Variants in CSNK2A2IP observed in about 807,000 individuals in gnomAD.
CSNK2A2IP encodes casein kinase 2 subunit alpha' interacting protein, also known as casein kinase II subunit alpha'-interacting protein.
At chr3:88,429,919 ATTT>A in the CSNK2A2IP span, among the ~76,000 whole-genome samples, 5 of 142,102 alleles carry the variant, frequency 3.5e-5, no homozygotes, top group East Asian at 4.2e-4. Flanking sequence ...CGCCAGGCTA[ATTT>A]TTTTTTTTTT....
chr3:88,423,032 T>G, the CSNK2A2IP span, among the ~76,000 whole-genome samples: 1 of 152,202 alleles, frequency 6.6e-6, no homozygotes, highest in African/African-American at 2.4e-5. Context: ...TGAAGAAGCC[T>G]GGTGAGAATC....
the CSNK2A2IP span, among the ~76,000 whole-genome samples, chr3:88,438,353 C>T: frequency 4.6e-5 from 7 of 152,218 alleles, no homozygotes; most frequent in African/African-American, 1.7e-4. Flanking sequence ...TTTTCTGACC[C>T]TTCTTTCTCC....
the CSNK2A2IP span, among the ~76,000 whole-genome samples, chr3:88,456,520 G>A: frequency 1.4e-4 from 21 of 151,892 alleles, no homozygotes; most frequent in Non-Finnish European, 2.7e-4. Flanking sequence ...GTATAAAAAT[G>A]CAGCTGATTT....
the CSNK2A2IP span, among the ~76,000 whole-genome samples, chr3:88,383,496 G>T: frequency 6.6e-6 from 1 of 152,020 alleles, no homozygotes; most frequent in African/African-American, 2.4e-5. Flanking sequence ...ATTATTTTTA[G>T]CTCTCTTTCC....
the CSNK2A2IP span, among the ~76,000 whole-genome samples, chr3:88,446,482 G>A: frequency 2.2e-4 from 34 of 152,238 alleles, no homozygotes; most frequent in African/African-American, 7.9e-4. Flanking sequence ...AACATTCTTT[G>A]TTTCCAACTG....
At chr3:88,439,552 G>A in the CSNK2A2IP span, among the ~76,000 whole-genome samples, 13 of 151,704 alleles carry the variant, frequency 8.6e-5, no homozygotes, top group South Asian at 4.2e-4. Context: ...GACCATCCTG[G>A]CCAAAATGGT....
chr3:88,340,580 TC>T, the CSNK2A2IP span, among the ~76,000 whole-genome samples: 29 of 152,108 alleles, frequency 1.9e-4, no homozygotes, highest in Admixed American at 1.8e-3. Context: ...AGCTATTTGT[TC>T]AATCATGACC....
At chr3:88,344,639 A>G in the CSNK2A2IP span, among the ~76,000 whole-genome samples, 3 of 152,002 alleles carry the variant, frequency 2.0e-5, no homozygotes, top group African/African-American at 4.8e-5. Context: ...TAAAACTGAC[A>G]GTCATTTAAA....
chr3:88,403,928 G>C, the CSNK2A2IP span, among the ~76,000 whole-genome samples: 1 of 152,026 alleles, frequency 6.6e-6, no homozygotes, highest in East Asian at 1.9e-4. Flanking sequence ...TGACACAAGG[G>C]CTGAGACATA....
the CSNK2A2IP span, among the ~76,000 whole-genome samples, chr3:88,361,611 A>T: frequency 2.0e-5 from 3 of 152,048 alleles, no homozygotes; most frequent in Non-Finnish European, 4.4e-5. Context: ...ATTTGAGTCA[A>T]ATCTGCTTGG....
chr3:88,466,495 A>C, the CSNK2A2IP span: 4 of 1,231,936 alleles, frequency 3.2e-6, no homozygotes, highest in Non-Finnish European at 4.0e-6. Flanking sequence ...CAAACACTGC[A>C]CCAGGAACAC....
the CSNK2A2IP span, among the ~76,000 whole-genome samples, chr3:88,379,644 A>G: frequency 3.3e-5 from 5 of 152,076 alleles, no homozygotes; most frequent in Non-Finnish European, 7.4e-5. Flanking sequence ...AATACAAAAG[A>G]TAATGTACAA....
chr3:88,466,815 A>T, the CSNK2A2IP span: 1 of 896,162 alleles, frequency 1.1e-6, no homozygotes, highest in Non-Finnish European at 1.5e-6. Context: ...TAAAATCTCC[A>T]TGTAACCATC....
the CSNK2A2IP span, among the ~76,000 whole-genome samples, chr3:88,340,539 CT>C: frequency 6.6e-6 from 1 of 151,920 alleles, no homozygotes; most frequent in Non-Finnish European, 1.5e-5. Context: ...TCATTGTGTT[CT>C]TCTAAGATAT....
chr3:88,445,615 T>C, the CSNK2A2IP span, among the ~76,000 whole-genome samples: 9 of 151,768 alleles, frequency 5.9e-5, no homozygotes, highest in East Asian at 1.9e-4. Flanking sequence ...CTGGAGTGCA[T>C]TGGGGTGATG....
the CSNK2A2IP span, among the ~76,000 whole-genome samples, chr3:88,456,451 T>C: frequency 7.3e-4 from 111 of 152,210 alleles, no homozygotes; most frequent in African/African-American, 2.5e-3. Flanking sequence ...TTCTGTTTCA[T>C]GCTATTGTAA....
chr3:88,389,368 A>C, the CSNK2A2IP span, among the ~76,000 whole-genome samples: 1 of 152,172 alleles, frequency 6.6e-6, no homozygotes, highest in Admixed American at 6.5e-5. Flanking sequence ...CTAAGGCTGG[A>C]CCTTGTCTGG....
chr3:88,362,765 G>A, the CSNK2A2IP span, among the ~76,000 whole-genome samples: 23 of 152,272 alleles, frequency 1.5e-4, no homozygotes, highest in African/African-American at 5.3e-4. Flanking sequence ...AGGAGCAAAG[G>A]CCTGGAATAA....
chr3:88,383,864 C>T, the CSNK2A2IP span, among the ~76,000 whole-genome samples: 1 of 151,928 alleles, frequency 6.6e-6, no homozygotes, highest in Non-Finnish European at 1.5e-5. Flanking sequence ...CAGGGTTCAC[C>T]GTGTTAGCCA....
Sources: allele counts gnomAD v4.1 joint callset (sites outside exome capture counted in the v4.1 genomes callset), GRCh38; gene constraint gnomAD v4.1.1; transcripts MANE v1.5; gene names NCBI Gene and HGNC (gene_info 2026-07-23, HGNC 2026-07-21).